Variants in LAMA5 observed in about 807,000 individuals in gnomAD.
LAMA5 encodes laminin subunit alpha-5.
In LAMA5, 260 loss-of-function variants were observed where a neutral mutation model predicts 433.4. The ratio of observed to expected loss-of-function variants is 0.60; its 90% CI spans 0.54 to 0.66. The LOEUF (loss-of-function observed/expected upper bound fraction) is 0.66. Ranked by LOEUF, LAMA5 falls within the 30% of genes least tolerant of loss-of-function variation. The pLI is 0.00. For synonymous variants in LAMA5, 2,620 were observed against 2,226.6 expected, an observed-to-expected ratio of 1.18 and a Z score of -4.97; for missense variants, 5,378 against 5,258.5, an observed-to-expected ratio of 1.02 and a Z score of -0.70.
rs151096227 is a variant in LAMA5 at position 62,328,980 on chromosome 20, T to G, written c.4311A>C (p.Pro1437=). ...LSLFYNNGAR[P]CGCHEVGATG... ...TAGCACCTACTTCGTGGCAGCCACATGGACGGGCTCCGTTGTTATAGAAGA... is the reference window on the plus strand; with the variant it reads ...TAGCACCTACTTCGTGGCAGCCACAGGGACGGGCTCCGTTGTTATAGAAGA... Residue 1437 remains proline, a synonymous_variant, in exon 34 of 80, where the codon CCA becomes CCC. Coordinates refer to ENST00000252999, the MANE Select transcript of LAMA5 (RefSeq NM_005560.6). 1.2e-6 allele frequency: 2 copies of G among 1,612,596 alleles called. No homozygotes were observed. The highest frequency in any genetic ancestry group is 3.3e-5 in the Admixed American group (2 of 59,982).
In LAMA5 at chr20:62,335,286, A is replaced by T. The variant is rs553109322; in HGVS notation, c.2324-17T>A. On this transcript the variant is annotated splice_polypyrimidine_tract_variant and intron_variant, in intron 18 of 79. Transcript: ENST00000252999. ...AGCTGCAGCCTGGGGAGAGCAGGGC[A>T]GGACTCAGATGCTTGGTGGGGCAGG... 6.2e-7 allele frequency: 1 copy of T among 1,611,492 alleles called. No individual in the cohort carries two copies.
At chr20:62,333,342 C>A in intron 25 of LAMA5, 33 bp downstream of exon 25, 9 of 1,599,454 alleles carry the variant, frequency 5.6e-6, no homozygotes, top group Non-Finnish European at 7.7e-6. Context: ...CAGGAAGCCC[C>A]CACCCCGGTC....
In LAMA5 at chr20:62,328,127, G is replaced by A; in HGVS notation, c.4652+114C>T. ...TCCCAGAAGTGGAGGAGAGGGCGCT[G>A]CTGCACCCAGGGAGCACAAATGGGA... On this transcript the variant is annotated intron_variant, in intron 35 of 79. Coordinates refer to ENST00000252999, the MANE Select transcript of LAMA5 (RefSeq NM_005560.6). 6 of 1,516,604 alleles carry A rather than the reference G, an allele frequency of 4.0e-6. No individual in the cohort carries two copies. The South Asian group carries it at 6.1e-5, about 15-fold the overall frequency. The allele number at this position is 1,516,604 out of a possible 1,614,324, so 93.9% of individuals were successfully genotyped here. A position where few individuals can be genotyped will look rare whatever the true frequency, so the allele number is the denominator to read the frequency against.
chr20:62,355,197 G>A (rs980870163), intron 2 of LAMA5: 2 of 152,376 alleles, frequency 1.3e-5, no homozygotes, highest in South Asian at 2.1e-4. Flanking sequence ...CACACCCCAG[G>A]GCCACCCACC....
intron 11 of LAMA5, among the ~76,000 whole-genome samples, chr20:62,341,845 A>G (rs1177452680): frequency 1.4e-4 from 20 of 144,966 alleles, no homozygotes; most frequent in South Asian, 6.3e-4. Context: ...AAAAAAAAAA[A>G]AAGAAGAAGA....
At chr20:62,333,030 C>T in intron 26 of LAMA5, 60 bp downstream of exon 26, 1 of 1,417,836 alleles carries the variant, frequency 7.1e-7, no homozygotes, top group Non-Finnish European at 9.3e-7. Context: ...CACAGGACCC[C>T]CAGCCCCCAG....
chr20:62,359,271 C>T lies in LAMA5; in HGVS notation c.450+3129G>A, dbSNP rs1450916521. ...CCCCACGGTCAGGCCACCCAGGGGCCGACTGGAGAGGGAGGGGACACAGGC... is the reference window on the plus strand; with the variant it reads ...CCCCACGGTCAGGCCACCCAGGGGCTGACTGGAGAGGGAGGGGACACAGGC... On this transcript the variant is annotated intron_variant, in intron 2 of 79. Transcript: ENST00000252999. The surrounding 1 kb of genome is among the most constrained non-coding windows in gnomAD (Gnocchi z 4.3). Among the ~76,000 whole-genome samples the T allele has an allele frequency of 2.0e-5, 3 of 152,232 alleles. No individual in the cohort carries two copies. Among genetic ancestry groups the T allele is most frequent in the African/African-American group, 4.8e-5 (2 of 41,546 alleles).
chr20:62,350,768 C>G (rs956798882), intron 6 of LAMA5, among the ~76,000 whole-genome samples: 1 of 152,190 alleles, frequency 6.6e-6, no homozygotes, highest in Non-Finnish European at 1.5e-5. Context: ...CCGGGCACCA[C>G]GCTGAGTACT....
chr20:62,320,382 T>C (rs1439979141), intron 50 of LAMA5, among the ~76,000 whole-genome samples, 177 bp downstream of exon 50: 2 of 150,336 alleles, frequency 1.3e-5, no homozygotes, highest in Non-Finnish European at 3.0e-5. Context: ...ACAAATGTAT[T>C]AGGTAGTTTA....
At chr20:62,341,924 G>A (rs550403513) in intron 11 of LAMA5, among the ~76,000 whole-genome samples, 13 of 152,024 alleles carry the variant, frequency 8.6e-5, no homozygotes, top group African/African-American at 3.1e-4. Flanking sequence ...ACAGGCCACT[G>A]TGCATAACTT....
rs1195419536 is a variant in LAMA5, at chr20:62,309,183, C to CT, written c.*152dup. 2.6e-6 allele frequency: 2 copies of CT among 772,302 alleles called. No homozygotes were observed. Among genetic ancestry groups the CT allele is most frequent in the Admixed American group, 3.4e-5 (1 of 29,096 alleles). The allele number at this position is 772,302 out of a possible 1,614,324, so 47.8% of individuals were successfully genotyped here. On this transcript the variant is annotated 3_prime_UTR_variant, in exon 80 of 80. Coordinates refer to ENST00000252999, the MANE Select transcript of LAMA5 (RefSeq NM_005560.6). ...TAAAAACATTTTGCAGTATTTTATT[C>CT]TTTCGTTTAAGAAGCTATAACTTAA...
At position 62,317,435 on chromosome 20, in the gene LAMA5, G is replaced by A. The variant is rs754450931; in HGVS notation, c.7421C>T (p.Thr2474Ile). Residue 2474 changes from threonine to isoleucine, a missense_variant, in exon 55 of 80, where the codon ACC (threonine) becomes ATC (isoleucine). Transcript: ENST00000252999. ...CAGCTTGCTGCCCGCCGGGGAGAAG[G>A]TCTGCATCCTCTGCAGCAGTGGGGT... ...ARTPLLQRMQ[T>I]FSPAGSKLRL... 17 of 1,601,296 alleles carry A rather than the reference G, an allele frequency of 1.1e-5. No individual in the cohort carries two copies. Among genetic ancestry groups the A allele is most frequent in the Middle Eastern group, 1.7e-4 (1 of 6,002 alleles).
Position 62,324,135 on chromosome 20 carries a change from C to G in LAMA5, c.5713G>C (p.Asp1905His). 6.5e-7 allele frequency: 1 copy of G among 1,544,388 alleles called. No individual in the cohort carries two copies. Among genetic ancestry groups the G allele is most frequent in the South Asian group, 1.2e-5 (1 of 80,512 alleles). ...CQAGFVSSRD[D>H]PSAPCVSCPC... The stretch of plus-strand genomic sequence containing the variant: ...CAGCTGACACAGGGGGCGCTGGGGT[C>G]GTCCCTGCTGCTCACGAAGCCAGCC... Residue 1905 changes from aspartate (D) to histidine (H), a missense_variant, in exon 43 of 80, where the codon GAC becomes CAC. By Grantham distance (81) the Asp-to-His change is moderately conservative. Coordinates refer to ENST00000252999, the MANE Select transcript of LAMA5 (RefSeq NM_005560.6). The surrounding 1 kb of genome is among the most constrained non-coding windows in gnomAD (Gnocchi z 4.4).
chr20:62,311,953 G>A lies in LAMA5; in HGVS notation c.9602C>T (p.Pro3201Leu). The A allele has an allele frequency of 6.2e-7, 1 of 1,612,644 alleles. No homozygotes were observed. Among genetic ancestry groups the A allele is most frequent in the Non-Finnish European group, 8.5e-7 (1 of 1,179,876 alleles). The change falls in exon 70 of 80, where the codon CCC (proline) becomes CTC (leucine). Residue 3201 changes from proline to leucine, a missense_variant. Pro to Leu is a moderately conservative substitution (Grantham distance 98). Coordinates refer to ENST00000252999, the MANE Select transcript of LAMA5 (RefSeq NM_005560.6). ...ATTGCTGTAGAAGGCGACGTAATGG[G>A]GGGCACCATCGGCGAAGCCCGCTTG... ...KTQAGFADGA[P>L]HYVAFYSNAT... is the part of the protein sequence containing the mutation.
In LAMA5 at chr20:62,352,207, C is replaced by T. The variant is rs768222164; in HGVS notation, c.687+35G>A. On this transcript the variant is annotated intron_variant, in intron 4 of 79. Transcript: ENST00000252999. Reference sequence around the variant, plus strand: ...CTCCCCTACCCACCTCTCCGTTCTCCAGCCCCCGTACCGCCCTGCCCCTCC... The same window carrying T: ...CTCCCCTACCCACCTCTCCGTTCTCTAGCCCCCGTACCGCCCTGCCCCTCC... 7.0e-6 allele frequency: 11 copies of T among 1,571,128 alleles called. No homozygotes were observed. In the African/African-American group the frequency reaches 1.5e-4, roughly 21 times the overall value.
In LAMA5 at chr20:62,333,201, C is replaced by T. The variant is rs766447179; in HGVS notation, c.3171G>A (p.Ser1057=). The change falls in exon 26 of 80, where the codon TCG becomes TCA. Residue 1057 remains serine, a synonymous_variant. Coordinates refer to ENST00000252999, the MANE Select transcript of LAMA5 (RefSeq NM_005560.6). The part of the protein sequence containing the change: ...YTHLPLDGFP[S]AAGLEALCRQ... ...GACACAGGGCCTCCAGCCCGGCGGC[C>T]GAGGGGAAGCCATCCAGGGGGAGGT... The T allele has an allele frequency of 2.0e-5, 30 of 1,522,096 alleles. No individual in the cohort carries two copies. Among genetic ancestry groups the T allele is most frequent in the Admixed American group, 4.2e-5 (2 of 47,086 alleles). 94.3% of individuals were successfully genotyped at this position (1,522,096 alleles called of 1,614,324 possible). A position where few individuals can be genotyped will look rare whatever the true frequency, so the allele number is the denominator to read the frequency against.
intron 6 of LAMA5, among the ~76,000 whole-genome samples, chr20:62,348,682 G>A (rs1347635831): frequency 6.6e-6 from 1 of 152,030 alleles, no homozygotes; most frequent in Non-Finnish European, 1.5e-5. Flanking sequence ...AAAACAGGCA[G>A]ATGTGAAAAA....
chr20:62,316,079 G>C, intron 57 of LAMA5, 21 bp from the exon 58 acceptor site: 1 of 1,559,364 alleles, frequency 6.4e-7, no homozygotes, highest in Non-Finnish European at 8.8e-7. Context: ...GGCAGCTTCA[G>C]CTCCCAGGCA....
In LAMA5 at chr20:62,318,441, C is replaced by T. The variant is rs1480097680; in HGVS notation, c.7239+13G>A. 3.8e-6 allele frequency: 6 copies of T among 1,578,996 alleles called. No individual in the cohort carries two copies. Among genetic ancestry groups the T allele is most frequent in the Non-Finnish European group, 1.7e-6 (2 of 1,167,886 alleles). On this transcript the variant is annotated intron_variant, in intron 53 of 79. Transcript: ENST00000252999. The stretch of plus-strand genomic sequence containing the variant: ...AAGAGGAGCAGGAGGAAGAACAAGT[C>T]CGGGGTCCTCACCAGGGCTTCCTCC...
Sources: allele counts gnomAD v4.1 joint callset (sites outside exome capture counted in the v4.1 genomes callset), GRCh38; gene constraint gnomAD v4.1.1; non-coding constraint Gnocchi (gnomAD v3.1); transcripts MANE v1.5; gene names NCBI Gene and HGNC (gene_info 2026-07-23, HGNC 2026-07-21).